Variants in WDR41 observed in about 807,000 individuals in gnomAD.
WDR41 encodes the protein WD repeat domain 41, also known as WD repeat-containing protein 41.
In WDR41, 63 loss-of-function variants were observed where a neutral mutation model predicts 69.3. The observed-to-expected ratio is 0.91, with a 90% CI of 0.74 to 1.12. The LOEUF (loss-of-function observed/expected upper bound fraction) is 1.12. WDR41 is among the 50% of genes most tolerant of loss of function. The pLI is 0.00. For synonymous variants in WDR41, 185 were observed against 192.1 expected, an observed-to-expected ratio of 0.96 and a Z score of 0.31; for missense variants, 543 against 534.5, an observed-to-expected ratio of 1.02 and a Z score of -0.16.
intron 1 of WDR41, among the ~76,000 whole-genome samples, chr5:77,522,626 G>A (rs1417715929): frequency 4.0e-5 from 6 of 151,888 alleles, no homozygotes; most frequent in Admixed American, 6.6e-5. Flanking sequence ...GCAACAGAGC[G>A]AGACTCTGTC....
intron 2 of WDR41, among the ~76,000 whole-genome samples, chr5:77,483,108 T>C (rs1318564221): frequency 6.6e-6 from 1 of 152,174 alleles, no homozygotes; most frequent in Non-Finnish European, 1.5e-5. Flanking sequence ...AACAAATTTC[T>C]TGTTCTGCTA....
intron 8 of WDR41, among the ~76,000 whole-genome samples, chr5:77,441,974 T>C (rs1370375345): frequency 6.6e-6 from 1 of 152,012 alleles, no homozygotes; most frequent in East Asian, 1.9e-4. Context: ...CAAAGAAATC[T>C]AAAAACAAGG....
chr5:77,460,815 G>A (rs1312939546), intron 4 of WDR41, among the ~76,000 whole-genome samples: 2 of 152,052 alleles, frequency 1.3e-5, no homozygotes, highest in African/African-American at 2.4e-5. Flanking sequence ...TTCCACTTGT[G>A]GCATCACGTC....
chr5:77,481,254 C>G (rs541633871), intron 2 of WDR41, among the ~76,000 whole-genome samples: 1 of 152,084 alleles, frequency 6.6e-6, no homozygotes, highest in Non-Finnish European at 1.5e-5. Context: ...GTGATCCACC[C>G]GCCTTGGCCT....
At chr5:77,599,982 C>T (rs1744294256) in intron 1 of WDR41, among the ~76,000 whole-genome samples, 1 of 152,182 alleles carries the variant, frequency 6.6e-6, no homozygotes, top group Non-Finnish European at 1.5e-5. Context: ...TGGTTATGGT[C>T]ACATATTATT....
Position 77,453,945 on chromosome 5 carries a change from A to T in WDR41, c.412-17T>A. The T allele has an allele frequency of 1.3e-6, 2 of 1,582,430 alleles. No individual in the cohort carries two copies. The highest frequency in any genetic ancestry group is 8.7e-7 in the Non-Finnish European group (1 of 1,151,326). On this transcript the variant is annotated splice_polypyrimidine_tract_variant and intron_variant, in intron 5 of 12. Coordinates refer to ENST00000296679, the MANE Select transcript of WDR41 (RefSeq NM_018268.4). Reference sequence around the variant, plus strand: ...AGTTAAACACTGCAAAATTTATTTGAAATGTATATCAGGTTAGAAACTTAA... The same window carrying T: ...AGTTAAACACTGCAAAATTTATTTGTAATGTATATCAGGTTAGAAACTTAA...
At chr5:77,532,705 A>G (rs1239828774) in intron 1 of WDR41, among the ~76,000 whole-genome samples, 1 of 152,184 alleles carries the variant, frequency 6.6e-6, no homozygotes, top group African/African-American at 2.4e-5. Context: ...AGAAAGACTC[A>G]AAAGAACATA....
intron 1 of WDR41, among the ~76,000 whole-genome samples, chr5:77,524,832 C>T (rs896499268): frequency 1.4e-4 from 22 of 152,280 alleles, no homozygotes; most frequent in South Asian, 4.1e-4. Flanking sequence ...ACAGTCTTAG[C>T]CTAGAAGATT....
At chr5:77,569,912 A>G (rs1285880760) in intron 1 of WDR41, among the ~76,000 whole-genome samples, 1 of 152,166 alleles carries the variant, frequency 6.6e-6, no homozygotes, top group Non-Finnish European at 1.5e-5. Flanking sequence ...ATACATCTAC[A>G]TCTCCTGTGG....
At chr5:77,583,153 G>A in intron 1 of WDR41, 1 of 1,193,888 alleles carries the variant, frequency 8.4e-7, no homozygotes, top group Non-Finnish European at 1.2e-6. Context: ...TTCTAAGCTG[G>A]TTGGTTAATA....
intron 2 of WDR41, among the ~76,000 whole-genome samples, chr5:77,489,179 T>C (rs1801653702): frequency 6.6e-6 from 1 of 152,278 alleles, no homozygotes; most frequent in East Asian, 1.9e-4. Flanking sequence ...TTTAAAGTCA[T>C]ACACTTCTTT....
intron 1 of WDR41, chr5:77,620,469 C>T (rs1289083951): frequency 2.2e-6 from 1 of 454,522 alleles, no homozygotes. Context: ...CCAACAAAAA[C>T]TTCACATACC....
intron 1 of WDR41, 149 bp downstream of exon 1, chr5:77,492,021 C>T (rs1801819499): frequency 3.0e-6 from 3 of 1,014,410 alleles, no homozygotes; most frequent in Non-Finnish European, 4.2e-6. Context: ...CCGCCCCCAC[C>T]GTCGTGAGAA....
rs773674090 is a variant in WDR41 at position 77,492,197 on chromosome 5, T to G, written c.24A>C (p.Gly8=). The G allele has an allele frequency of 1.9e-6, 3 of 1,611,794 alleles. No homozygotes were observed. The highest frequency in any genetic ancestry group is 2.5e-6 in the Non-Finnish European group (3 of 1,179,316). ...CGGCCAGTCCCTGCGGTTCTCGGCC[T>G]CCCCCGATCAGCCATCGCAACATCC... MLRWLIG[G]GREPQGLAEK... is the part of the protein sequence containing the mutation. The change falls in exon 1 of 13, where the codon GGA becomes GGC. Residue 8 remains glycine, a synonymous_variant. Coordinates refer to ENST00000296679, the MANE Select transcript of WDR41 (RefSeq NM_018268.4).
intron 1 of WDR41, among the ~76,000 whole-genome samples, chr5:77,618,346 T>C (rs966249962): frequency 7.2e-5 from 11 of 152,290 alleles, no homozygotes; most frequent in African/African-American, 2.4e-4. Flanking sequence ...ATCTGTCTTC[T>C]ATTTAATAAA....
chr5:77,464,862 CTAAGAT>C (rs1428341930), intron 2 of WDR41, 53 bp from the exon 3 acceptor site: 4 of 1,566,508 alleles, frequency 2.6e-6, no homozygotes, highest in Admixed American at 1.7e-5. Flanking sequence ...CATTTAATTA[CTAAGAT>C]TAAGAACTAT....
Position 77,433,109 on chromosome 5 carries a change from T to C in WDR41, c.*26A>G. The C allele has an allele frequency of 1.3e-6, 2 of 1,598,640 alleles. No homozygotes were observed. Among genetic ancestry groups the C allele is most frequent in the East Asian group, 2.2e-5 (1 of 44,502 alleles). ...CCCGATATTTGATGTTCAAGGTTCA[T>C]GCATGTGTATTTTTAATTCCTTAAA... On this transcript the variant is annotated 3_prime_UTR_variant, in exon 13 of 13. Coordinates refer to ENST00000296679, the MANE Select transcript of WDR41 (RefSeq NM_018268.4).
chr5:77,608,935 C>A (rs1002652415), intron 1 of WDR41, among the ~76,000 whole-genome samples: 4 of 151,322 alleles, frequency 2.6e-5, no homozygotes, highest in Non-Finnish European at 5.9e-5. Context: ...CCTGGAAAAT[C>A]GGGTCACTCC....
At chr5:77,558,112 AAAAAC>A (rs1352862591) in intron 1 of WDR41, among the ~76,000 whole-genome samples, 8 of 149,596 alleles carry the variant, frequency 5.3e-5, no homozygotes, top group Middle Eastern at 3.4e-3. Context: ...AAAAAAAAAA[AAAAAC>A]AAAACAGGAG....
Sources: allele counts gnomAD v4.1 joint callset (sites outside exome capture counted in the v4.1 genomes callset), GRCh38; gene constraint gnomAD v4.1.1; transcripts MANE v1.5; gene names NCBI Gene and HGNC (gene_info 2026-07-23, HGNC 2026-07-21).